RPH3AL: variants seen among roughly 807,000 people sequenced by gnomAD.
The protein encoded by RPH3AL is rabphilin 3A like (without C2 domains), also known as rab effector Noc2.
RPH3AL carries 38 observed loss-of-function variants against 43.1 expected under a neutral mutation model. The observed-to-expected ratio is 0.88, with a 90% CI of 0.68 to 1.15. The LOEUF (loss-of-function observed/expected upper bound fraction) is 1.15, where lower values mean the gene tolerates loss of function less well. Among genes scored for constraint, RPH3AL ranks in the 50% most tolerant of loss-of-function variants. RPH3AL has a pLI of 0.00. For synonymous variants in RPH3AL, 189 were observed against 176.3 expected (o/e 1.07, Z -0.57); for missense variants, 462 against 423.2 (o/e 1.09, Z -0.81).
At chr17:317,065 C>T (rs1162013409) in intron 5 of RPH3AL, among the ~76,000 whole-genome samples, 150 of 89,238 alleles carry the variant, frequency 1.7e-3, no homozygotes, top group African/African-American at 5.2e-3. Flanking sequence ...CCCACCTCCA[C>T]TGACCTGTAG....
Position 347,049 on chromosome 17 carries a change from G to C in RPH3AL, c.-213+5663C>G, listed in dbSNP as rs2045249930. Among the ~76,000 whole-genome samples the C allele has an allele frequency of 2.2e-5, 3 of 134,758 alleles. 1 individual carries two copies. The highest frequency in any genetic ancestry group is 5.1e-5 in the Non-Finnish European group (3 of 59,272). The allele number at this position is 134,758 out of a possible 152,430, so 88.4% of individuals were successfully genotyped here. On this transcript the variant is annotated intron_variant, in intron 1 of 9. Coordinates refer to ENST00000331302, the MANE Select transcript of RPH3AL (RefSeq NM_006987.4). ...CGAGGCGGGAGGATCACGAGGTCAG[G>C]AGATCGAGACCATCCTGGCTAACAT...
intron 6 of RPH3AL, among the ~76,000 whole-genome samples, chr17:250,113 C>T (rs1339818201): frequency 1.1e-4 from 17 of 148,288 alleles, no homozygotes; most frequent in Admixed American, 2.7e-4. Flanking sequence ...TTACTAAGCT[C>T]CATCGCTGCG....
intron 8 of RPH3AL, 128 bp downstream of exon 8, chr17:219,495 C>A: frequency 1.8e-6 from 1 of 545,342 alleles, no homozygotes; most frequent in Admixed American, 3.1e-5. Context: ...CTGTGCCCGG[C>A]CTAATAGTTT....
At chr17:235,361 G>T (rs2041346468) in intron 7 of RPH3AL, among the ~76,000 whole-genome samples, 2 of 147,996 alleles carry the variant, frequency 1.4e-5, no homozygotes, top group African/African-American at 2.5e-5. Flanking sequence ...AGGGTTCAAA[G>T]CTGGGGTCGG....
At chr17:321,205 C>T in intron 4 of RPH3AL, 67 bp downstream of exon 4, 5 of 1,547,398 alleles carry the variant, frequency 3.2e-6, no homozygotes, top group Non-Finnish European at 4.4e-6. Context: ...GCCGGCCTCC[C>T]AGTCCCCTGC....
intron 1 of RPH3AL, among the ~76,000 whole-genome samples, chr17:336,648 C>T (rs1051528681): frequency 2.0e-5 from 3 of 152,172 alleles, no homozygotes; most frequent in South Asian, 2.1e-4. Flanking sequence ...CAGGTCAGGC[C>T]GTGTGATTCC....
rs1254278289 is a variant in RPH3AL at position 289,031 on chromosome 17, G to A, written c.352-7177C>T. Among the ~76,000 whole-genome samples, 2 of 152,126 alleles carry A rather than the reference G, an allele frequency of 1.3e-5. No homozygotes were observed. The highest frequency in any genetic ancestry group is 2.9e-5 in the Non-Finnish European group (2 of 68,026). ...TTCTCTCTACCCCCAAGAACACAGG[G>A]GAGGGGGTTCCCCAGGGACCTGCCC... On this transcript the variant is annotated intron_variant, in intron 5 of 9. Coordinates refer to ENST00000331302, the MANE Select transcript of RPH3AL (RefSeq NM_006987.4). The surrounding 1 kb of genome is among the most constrained non-coding windows in gnomAD (Gnocchi z 5.2).
intron 5 of RPH3AL, among the ~76,000 whole-genome samples, chr17:298,202 G>C (rs1007083666): frequency 6.6e-6 from 1 of 152,152 alleles, no homozygotes; most frequent in African/African-American, 2.4e-5. Flanking sequence ...TCAGGAGACC[G>C]TCCACGTCCT....
intron 6 of RPH3AL, chr17:261,727 C>G (rs754933066): frequency 1.3e-5 from 2 of 152,160 alleles, no homozygotes; most frequent in Non-Finnish European, 1.5e-5. Context: ...CATAAGGACG[C>G]TGAGTTTCCC....
chr17:351,688 A>G (rs1044081603), intron 1 of RPH3AL, among the ~76,000 whole-genome samples: 1 of 152,090 alleles, frequency 6.6e-6, no homozygotes, highest in Non-Finnish European at 1.5e-5. Context: ...TTTACTTAAT[A>G]TTTCCCTTTA....
intron 7 of RPH3AL, among the ~76,000 whole-genome samples, chr17:240,703 T>C (rs9908519): frequency 0.63 from 96,254 of 152,074 alleles, 30,784 homozygotes; most frequent in South Asian, 0.73. Flanking sequence ...GATGGACGTA[T>C]GAGTTGTTGC....
At chr17:282,183 C>A (rs1454422677) in intron 5 of RPH3AL, among the ~76,000 whole-genome samples, 1 of 152,204 alleles carries the variant, frequency 6.6e-6, no homozygotes, top group African/African-American at 2.4e-5. Flanking sequence ...GGGGAGGGTC[C>A]AGGCAAACAC....
intron 6 of RPH3AL, among the ~76,000 whole-genome samples, chr17:268,769 AC>A (rs1424481150): frequency 6.6e-6 from 1 of 151,820 alleles, no homozygotes; most frequent in African/African-American, 2.4e-5. Context: ...TCGCCATGTT[AC>A]CCAGACTGGT....
rs78241255 is a variant in RPH3AL, at chr17:301,951, A to G, written c.351+17469T>C. Among the ~76,000 whole-genome samples the G allele has an allele frequency of 4.6e-3, 705 of 152,334 alleles. 7 individuals carry two copies. Among genetic ancestry groups the G allele is most frequent in the African/African-American group, 0.016 (672 of 41,572 alleles). On this transcript the variant is annotated intron_variant, in intron 5 of 9. Transcript: ENST00000331302. ...GGGGCCATGAGGGACACATGACATC[A>G]TGGAAATGTCAGGCACAGCGGCTCT...
At chr17:263,379 G>T (rs558272664) in intron 6 of RPH3AL, among the ~76,000 whole-genome samples, 1 of 152,280 alleles carries the variant, frequency 6.6e-6, no homozygotes, top group Admixed American at 6.5e-5. Context: ...ATCTTGCATG[G>T]CCAGGAGTCA....
intron 6 of RPH3AL, among the ~76,000 whole-genome samples, chr17:267,643 G>C (rs1457902240): frequency 6.6e-6 from 1 of 152,190 alleles, no homozygotes; most frequent in East Asian, 1.9e-4. Context: ...TTACGTATTT[G>C]ATTAGTGGCT....
intron 4 of RPH3AL, 119 bp downstream of exon 4, chr17:321,145 GACCTCCTC>G: frequency 8.4e-7 from 1 of 1,195,964 alleles, no homozygotes; most frequent in Non-Finnish European, 1.2e-6. Flanking sequence ...TGGAGTCAGG[GACCTCCTC>G]ACCCACTCCC....
At chr17:305,200 G>T (rs2043453645) in intron 5 of RPH3AL, among the ~76,000 whole-genome samples, 1 of 151,832 alleles carries the variant, frequency 6.6e-6, no homozygotes, top group African/African-American at 2.4e-5. Flanking sequence ...CCAGGAGGTG[G>T]CAGGAGTCAT....
chr17:303,259 C>T (rs952824514), intron 5 of RPH3AL, among the ~76,000 whole-genome samples: 27 of 151,984 alleles, frequency 1.8e-4, no homozygotes, highest in Admixed American at 7.9e-4. Flanking sequence ...GGAGTGGTGG[C>T]GCACACCTGT....
Sources: gnomAD v4.1 joint callset for allele counts (sites outside exome capture counted in the v4.1 genomes callset) on GRCh38, gnomAD v4.1.1 for gene constraint, Gnocchi (gnomAD v3.1) non-coding constraint, MANE v1.5 for transcripts, NCBI Gene and HGNC (gene_info 2026-07-23, HGNC 2026-07-21) for gene names.